EAPP: variants seen among roughly 807,000 people sequenced by gnomAD.
EAPP encodes the protein E2F associated phosphoprotein.
Under a neutral mutation model 34.3 loss-of-function variants are expected in EAPP, and 38 were observed. The ratio of observed to expected loss-of-function variants is 1.11; its 90% CI spans 0.85 to 1.45. The LOEUF (loss-of-function observed/expected upper bound fraction) is 1.45. Ranked by LOEUF, EAPP falls within the 40% of genes most tolerant of loss-of-function variation. The pLI, the probability that EAPP is intolerant of heterozygous loss-of-function variation, is 0.00. For missense variants in EAPP, 338 were observed against 343.7 expected, an observed-to-expected ratio of 0.98 and a Z score of 0.13; for synonymous variants, 113 against 117.6, an observed-to-expected ratio of 0.96 and a Z score of 0.25.
chr14:34,536,447 A>C, intron 1 of EAPP, 172 bp from the exon 2 acceptor site: 1 of 419,320 alleles, frequency 2.4e-6, no homozygotes, highest in Non-Finnish European at 4.0e-6. Context: ...GCATATTTCC[A>C]ATCTTCTTTA....
intron 5 of EAPP, among the ~76,000 whole-genome samples, chr14:34,517,300 G>A (rs1168567629): frequency 1.4e-5 from 2 of 148,004 alleles, no homozygotes; most frequent in African/African-American, 5.0e-5. Context: ...CCAGGCTGGA[G>A]TGCAATGGCG....
At chr14:34,527,495 C>T (rs1160091385) in intron 4 of EAPP, among the ~76,000 whole-genome samples, 1 of 152,056 alleles carries the variant, frequency 6.6e-6, no homozygotes, top group Non-Finnish European at 1.5e-5. Flanking sequence ...CACCACTGCA[C>T]TCCAGCCCAG....
At chr14:34,529,686 C>T (rs1292103599) in intron 3 of EAPP, among the ~76,000 whole-genome samples, 3 of 152,078 alleles carry the variant, frequency 2.0e-5, no homozygotes, top group Non-Finnish European at 4.4e-5. Context: ...TCGAGACCAG[C>T]CTGGACAACA....
At chr14:34,529,066 G>A (rs1880190189) in intron 4 of EAPP, among the ~76,000 whole-genome samples, 1 of 152,080 alleles carries the variant, frequency 6.6e-6, no homozygotes, top group South Asian at 2.1e-4. Flanking sequence ...AACGCAGGAG[G>A]CGGAGGTTGC....
At chr14:34,526,237 T>TG (rs978282873) in intron 4 of EAPP, among the ~76,000 whole-genome samples, 33 of 151,502 alleles carry the variant, frequency 2.2e-4, no homozygotes, top group African/African-American at 7.8e-4. Flanking sequence ...AAGACCAGCC[T>TG]GGCTAACATG....
intron 4 of EAPP, among the ~76,000 whole-genome samples, chr14:34,525,748 G>T (rs1186315270): frequency 6.6e-6 from 1 of 152,150 alleles, no homozygotes; most frequent in Non-Finnish European, 1.5e-5. Flanking sequence ...GGCCGGGCTC[G>T]GTGGCTCACG....
chr14:34,524,168 G>C lies in EAPP; in HGVS notation c.581+529C>G, dbSNP rs960933648. On this transcript the variant is annotated intron_variant, in intron 5 of 5. Transcript: ENST00000250454. ...GCACTTTGGGAGGCCAACGCAAGTG[G>C]ATCACAAGGTCAGGAGTTCAAGATC... Among the ~76,000 whole-genome samples, 4 of 152,102 alleles carry C rather than the reference G, an allele frequency of 2.6e-5. No homozygotes were observed. The South Asian group carries it at 8.3e-4, about 32-fold the overall frequency.
Position 34,516,151 on chromosome 14 carries a change from G to T in EAPP, c.*159C>A. The T allele has an allele frequency of 1.6e-6, 1 of 614,488 alleles. No homozygotes were observed. The highest frequency in any genetic ancestry group is 2.6e-6 in the Non-Finnish European group (1 of 379,738). The allele number at this position is 614,488 out of a possible 1,614,324, so 38.1% of individuals were successfully genotyped here. On this transcript the variant is annotated 3_prime_UTR_variant, in exon 6 of 6. Coordinates refer to ENST00000250454, the MANE Select transcript of EAPP (RefSeq NM_018453.4). ...AAAGAAAAAAAAAAGGAGAGGGTGA[G>T]AGATGTAAGAGATGAATGAAGGTTG...
chr14:34,521,635 C>CTT lies in EAPP; in HGVS notation c.581+3060_581+3061dup, dbSNP rs34835280. 1.7e-3 allele frequency among the ~76,000 whole-genome samples: 217 copies of CTT among 129,676 alleles called. 1 individual carries two copies. Among genetic ancestry groups the CTT allele is most frequent in the East Asian group, 3.2e-3 (14 of 4,440 alleles). 85.1% of individuals were successfully genotyped at this position (129,676 alleles called of 152,430 possible). A position where few individuals can be genotyped will look rare whatever the true frequency, so the allele number is the denominator to read the frequency against. The stretch of plus-strand genomic sequence containing the variant: ...TATATTTCTCAGAGTTCCCAGATTT[C>CTT]TTTTTTTTTTTTTTTTTTAGATGGA... On this transcript the variant is annotated intron_variant, in intron 5 of 5. Transcript: ENST00000250454.
intron 4 of EAPP, among the ~76,000 whole-genome samples, chr14:34,525,250 T>C (rs918937542): frequency 6.6e-6 from 1 of 152,166 alleles, no homozygotes; most frequent in African/African-American, 2.4e-5. Flanking sequence ...AACTCCCTAG[T>C]CCTTAAGTCT....
intron 5 of EAPP, among the ~76,000 whole-genome samples, chr14:34,519,978 T>C (rs780940982): frequency 6.6e-6 from 1 of 151,046 alleles, no homozygotes; most frequent in Non-Finnish European, 1.5e-5. Context: ...TCCACCTCCC[T>C]GGTTCAAGTG....
chr14:34,526,456 A>C (rs1880098579), intron 4 of EAPP, among the ~76,000 whole-genome samples: 1 of 151,026 alleles, frequency 6.6e-6, no homozygotes. Context: ...ACAAGCATAG[A>C]GCCAGGCTGG....
intron 2 of EAPP, 123 bp from the exon 3 acceptor site, chr14:34,533,662 G>T: frequency 1.6e-6 from 1 of 612,506 alleles, no homozygotes. Context: ...ATTTGATGGT[G>T]AAATATTTTC....
intron 1 of EAPP, among the ~76,000 whole-genome samples, chr14:34,536,681 C>T (rs1257586545): frequency 1.3e-5 from 2 of 151,764 alleles, no homozygotes; most frequent in Non-Finnish European, 2.9e-5. Flanking sequence ...TGGGGTTTCG[C>T]CATGTTGCCC....
rs768801809 is a variant in EAPP at position 34,539,544 on chromosome 14, C to T, written c.74+11G>A. ...CAAATCCTCGGGGGCCAGGGTGGGG[C>T]GGGAGCCCACCTGCTCAAAGCCGGC... On this transcript the variant is annotated intron_variant, in intron 1 of 5. Coordinates refer to ENST00000250454, the MANE Select transcript of EAPP (RefSeq NM_018453.4). The T allele has an allele frequency of 2.5e-6, 4 of 1,604,520 alleles. No homozygotes were observed. Among genetic ancestry groups the T allele is most frequent in the Admixed American group, 1.7e-5 (1 of 59,958 alleles).
In EAPP at chr14:34,526,414, C is replaced by T. The variant is rs954424788; in HGVS notation, c.471-1607G>A. Among the ~76,000 whole-genome samples, 5 of 151,348 alleles carry T rather than the reference C, an allele frequency of 3.3e-5. No homozygotes were observed. The East Asian group carries it at 5.9e-4, about 18-fold the overall frequency. On this transcript the variant is annotated intron_variant, in intron 4 of 5. Transcript: ENST00000250454. ...CTGCACTCCAGCCTGGGCAACAGAG[C>T]GAGACTCTGTCCCAAAAAAACAAAA...
chr14:34,533,602 C>G (rs1397088123), intron 2 of EAPP, 63 bp from the exon 3 acceptor site: 4 of 1,071,340 alleles, frequency 3.7e-6, no homozygotes, highest in Admixed American at 5.1e-5. Flanking sequence ...GCAAAAAACT[C>G]CATATATTCT....
In EAPP at chr14:34,524,890, C is replaced by A. The variant is rs1019335240; in HGVS notation, c.471-83G>T. ...AGTGTCATTTTCCAATAAAAAGAAC[C>A]AGTACTATTCAGAGAAATGGCTAAT... On this transcript the variant is annotated intron_variant, in intron 4 of 5. Coordinates refer to ENST00000250454, the MANE Select transcript of EAPP (RefSeq NM_018453.4). The A allele has an allele frequency of 1.1e-5, 12 of 1,044,070 alleles. No homozygotes were observed. The East Asian group carries it at 2.9e-4, about 25-fold the overall frequency. The allele number at this position is 1,044,070 out of a possible 1,614,324, so 64.7% of individuals were successfully genotyped here.
At chr14:34,518,623 G>A (rs879553223) in intron 5 of EAPP, among the ~76,000 whole-genome samples, 17 of 152,076 alleles carry the variant, frequency 1.1e-4, no homozygotes, top group Admixed American at 5.9e-4. Context: ...GAGCCACTGC[G>A]CCCAGCCCCT....
Sources: gnomAD v4.1 joint callset for allele counts (sites outside exome capture counted in the v4.1 genomes callset) on GRCh38, gnomAD v4.1.1 for gene constraint, MANE v1.5 for transcripts, NCBI Gene and HGNC (gene_info 2026-07-23, HGNC 2026-07-21) for gene names.